Variants in XKR6 observed in about 807,000 individuals in gnomAD.
The protein encoded by XKR6 is XK-related protein 6.
Under a neutral mutation model 56.7 loss-of-function variants are expected in XKR6, and 22 were observed. The observed-to-expected ratio is 0.39, with a 90% CI of 0.28 to 0.55. XKR6 has a LOEUF of 0.55. XKR6 is among the 20% of genes least tolerant of loss of function. The pLI, the probability that XKR6 is intolerant of heterozygous loss-of-function variation, is 0.66. For synonymous variants in XKR6, 524 were observed against 387.8 expected (o/e 1.35, Z -4.13); for missense variants, 852 against 889.0 (o/e 0.96, Z 0.53).
chr8:11,121,143 T>TA (rs1799435869), intron 1 of XKR6, among the ~76,000 whole-genome samples: 1 of 152,188 alleles, frequency 6.6e-6, no homozygotes, highest in Non-Finnish European at 1.5e-5. Flanking sequence ...ACTTCATGTC[T>TA]AAAACACCAA....
intron 1 of XKR6, among the ~76,000 whole-genome samples, chr8:11,049,541 A>T (rs7462014): frequency 2.0e-5 from 3 of 152,124 alleles, no homozygotes; most frequent in South Asian, 2.1e-4. Context: ...GACACCACTA[A>T]GAGGGATTTT....
At chr8:11,048,444 T>A (rs1015403769) in intron 1 of XKR6, among the ~76,000 whole-genome samples, 1 of 152,284 alleles carries the variant, frequency 6.6e-6, no homozygotes, top group East Asian at 1.9e-4. Flanking sequence ...GGTTTCAGAC[T>A]TGCAGAAACG....
chr8:11,088,652 T>C (rs956266051), intron 1 of XKR6, among the ~76,000 whole-genome samples: 14 of 152,164 alleles, frequency 9.2e-5, no homozygotes, highest in African/African-American at 3.4e-4. Flanking sequence ...ACACTAAATA[T>C]TTAGATTCAA....
chr8:10,988,065 T>A (rs1380828566), intron 1 of XKR6, among the ~76,000 whole-genome samples: 3 of 152,256 alleles, frequency 2.0e-5, no homozygotes, highest in Non-Finnish European at 4.4e-5. Flanking sequence ...ATCAACTTAA[T>A]GGGCTGTTCC....
In XKR6 at chr8:11,200,330, G is replaced by A. The variant is rs937323200; in HGVS notation, c.764+246C>T. ...ACGGGGAGGGCAGGTTGGGGCAAGA[G>A]CCCCGCCGAGTGCGAAGCGGGGACG... On this transcript the variant is annotated intron_variant, in intron 1 of 2. Coordinates refer to ENST00000416569, the MANE Select transcript of XKR6 (RefSeq NM_173683.4). The surrounding 1 kb of genome is among the most constrained non-coding windows in gnomAD (Gnocchi z 6.4). Among the ~76,000 whole-genome samples, 1 of 152,340 alleles carries A rather than the reference G, an allele frequency of 6.6e-6. No homozygotes were observed. The highest frequency in any genetic ancestry group is 1.5e-5 in the Non-Finnish European group (1 of 68,022).
At chr8:11,040,137 G>A (rs1052943129) in intron 1 of XKR6, among the ~76,000 whole-genome samples, 3 of 151,956 alleles carry the variant, frequency 2.0e-5, no homozygotes, top group East Asian at 1.9e-4. Context: ...CAGGCCGGGG[G>A]GACCTTCCAC....
At chr8:11,041,131 G>C (rs1304184772) in intron 1 of XKR6, among the ~76,000 whole-genome samples, 2 of 152,144 alleles carry the variant, frequency 1.3e-5, no homozygotes, top group East Asian at 3.9e-4. Context: ...TGAGACGTTA[G>C]GGACAGCTCA....
rs180714186 is a variant in XKR6, at chr8:11,176,580, G to C, written c.764+23996C>G. Among the ~76,000 whole-genome samples, 39 of 152,138 alleles carry C rather than the reference G, an allele frequency of 2.6e-4. 1 individual carries two copies. Among genetic ancestry groups the C allele is most frequent in the Admixed American group, 1.4e-3 (21 of 15,290 alleles). On this transcript the variant is annotated intron_variant, in intron 1 of 2. Transcript: ENST00000416569. ...ATCAAATTCTTTTCCTAAATATTAAGATACTGCTCCACAGCATTCCTCATC... is the reference window on the plus strand; with the variant it reads ...ATCAAATTCTTTTCCTAAATATTAACATACTGCTCCACAGCATTCCTCATC...
At chr8:11,082,689 C>T (rs541908907) in intron 1 of XKR6, among the ~76,000 whole-genome samples, 1 of 152,200 alleles carries the variant, frequency 6.6e-6, no homozygotes, top group Non-Finnish European at 1.5e-5. Context: ...CCCTTCTGCC[C>T]TTAGGACCCT....
At chr8:11,187,342 A>AT (rs1674447426) in intron 1 of XKR6, among the ~76,000 whole-genome samples, 1 of 152,192 alleles carries the variant, frequency 6.6e-6, no homozygotes, top group Non-Finnish European at 1.5e-5. Flanking sequence ...ACACTATAGG[A>AT]TATCTCCCAA....
chr8:11,101,663 G>A (rs764504039), intron 1 of XKR6, among the ~76,000 whole-genome samples: 2 of 152,196 alleles, frequency 1.3e-5, no homozygotes, highest in Non-Finnish European at 2.9e-5. Context: ...TCACAGGAGA[G>A]AAGTCCTGGA....
intron 1 of XKR6, among the ~76,000 whole-genome samples, chr8:11,136,421 T>C (rs2116916161): frequency 6.6e-6 from 1 of 151,960 alleles, no homozygotes; most frequent in South Asian, 2.1e-4. Context: ...GGAGAATCGC[T>C]TGAACCCGGG....
intron 1 of XKR6, among the ~76,000 whole-genome samples, chr8:10,987,213 G>T (rs935055307): frequency 2.6e-5 from 4 of 152,196 alleles, no homozygotes; most frequent in African/African-American, 9.7e-5. Flanking sequence ...ATCTATGTGT[G>T]GGTTGAACAA....
intron 1 of XKR6, among the ~76,000 whole-genome samples, chr8:11,060,555 T>C (rs1799806916): frequency 6.6e-6 from 1 of 152,116 alleles, no homozygotes; most frequent in African/African-American, 2.4e-5. Flanking sequence ...TATTGGTCTG[T>C]TTGGGTTTTT....
Position 10,898,668 on chromosome 8 carries a change from C to A in XKR6, c.1210G>T (p.Gly404Cys). Residue 404 changes from glycine to cysteine, a missense_variant, in exon 3 of 3, where the codon GGC becomes TGC. Physicochemically the swap from Gly to Cys is radical, Grantham distance 159. Around this residue, in one of 4 missense-constraint regions of XKR6, gnomAD observed 199 missense variants for 280.4 expected, o/e 0.71. Coordinates refer to ENST00000416569, the MANE Select transcript of XKR6 (RefSeq NM_173683.4). The surrounding 1 kb of genome is among the most constrained non-coding windows in gnomAD (Gnocchi z 6.6). Reference sequence around the variant, plus strand: ...TTGGACATGCAGAAGTCTGTTCCGCCATGGATGATCCAGAAGGCCATGGCG... The same window carrying A: ...TTGGACATGCAGAAGTCTGTTCCGCAATGGATGATCCAGAAGGCCATGGCG... ...WCAMAFWIIHGGTDFCMSKWE... is the reference protein window; with the variant it reads ...WCAMAFWIIHCGTDFCMSKWE... The A allele has an allele frequency of 6.2e-7, 1 of 1,614,138 alleles. No individual in the cohort carries two copies. The highest frequency in any genetic ancestry group is 8.5e-7 in the Non-Finnish European group (1 of 1,180,036).
intron 1 of XKR6, chr8:11,109,651 AG>A (rs1170758107): frequency 6.6e-6 from 1 of 152,124 alleles, no homozygotes; most frequent in East Asian, 1.9e-4. Flanking sequence ...TTTTATTCTT[AG>A]GCTCTGAAGT....
At chr8:10,967,495 C>T (rs756008496) in intron 1 of XKR6, among the ~76,000 whole-genome samples, 18 of 152,198 alleles carry the variant, frequency 1.2e-4, no homozygotes, top group Non-Finnish European at 2.5e-4. Flanking sequence ...GAGCCAAGAC[C>T]AGGTGGACAG....
intron 1 of XKR6, among the ~76,000 whole-genome samples, chr8:10,994,918 G>A (rs1249693832): frequency 4.6e-5 from 7 of 152,120 alleles, no homozygotes; most frequent in Non-Finnish European, 4.4e-5. Flanking sequence ...AAGAGAAGAC[G>A]GGGATACACA....
intron 1 of XKR6, among the ~76,000 whole-genome samples, chr8:10,977,469 C>T (rs779771231): frequency 8.6e-5 from 13 of 151,692 alleles, no homozygotes; most frequent in Non-Finnish European, 1.9e-4. Flanking sequence ...AGTCCCCCGC[C>T]ACTGGAGGAA....
Sources: gnomAD v4.1 joint callset for allele counts (sites outside exome capture counted in the v4.1 genomes callset) on GRCh38, gnomAD v4.1.1 for gene constraint, gnomAD v4.1.1 regional missense constraint, Gnocchi (gnomAD v3.1) non-coding constraint, MANE v1.5 for transcripts, NCBI Gene and HGNC (gene_info 2026-07-23, HGNC 2026-07-21) for gene names.